Variants in CDIN1 observed in about 807,000 individuals in gnomAD.
CDIN1 encodes the protein CDAN1 interacting nuclease 1, also known as CDAN1-interacting nuclease 1.
A neutral mutation model predicts 45.3 loss-of-function variants in CDIN1; 33 were observed. The ratio of observed to expected loss-of-function variants is 0.73; its 90% CI spans 0.55 to 0.97. CDIN1 has a LOEUF of 0.97. Ranked by LOEUF, CDIN1 falls within the 50% of genes least tolerant of loss-of-function variation. The probability of loss-of-function intolerance (pLI) is 0.00; values close to 1 mark genes in which losing one functional copy is unlikely to be tolerated. For missense variants in CDIN1, 303 were observed against 339.4 expected, an observed-to-expected ratio of 0.89 and a Z score of 0.84; for synonymous variants, 118 against 124.4, an observed-to-expected ratio of 0.95 and a Z score of 0.34.
At chr15:36,630,933 A>G (rs966998692) in intron 1 of CDIN1, among the ~76,000 whole-genome samples, 6 of 152,178 alleles carry the variant, frequency 3.9e-5, no homozygotes, top group Non-Finnish European at 5.9e-5. Flanking sequence ...CCAGCCACTT[A>G]TGAGGGATCT....
chr15:36,626,060 T>C (rs1174189358), intron 1 of CDIN1, among the ~76,000 whole-genome samples: 1 of 151,824 alleles, frequency 6.6e-6, no homozygotes, highest in Non-Finnish European at 1.5e-5. Context: ...TCTGTTATTG[T>C]CATCAGGATA....
chr15:36,731,816 T>G (rs991181120), intron 10 of CDIN1, among the ~76,000 whole-genome samples: 2 of 152,164 alleles, frequency 1.3e-5, no homozygotes, highest in Non-Finnish European at 2.9e-5. Context: ...CATGCCAAAT[T>G]GTATTTCTTT....
At chr15:36,706,150 C>T (rs1465146421) in intron 8 of CDIN1, 1 of 152,040 alleles carries the variant, frequency 6.6e-6, no homozygotes, top group Non-Finnish European at 1.5e-5. Flanking sequence ...ATGTGTGATT[C>T]TCAAGGAAAA....
intron 1 of CDIN1, among the ~76,000 whole-genome samples, chr15:36,587,030 T>A (rs1175250674): frequency 1.3e-5 from 2 of 152,194 alleles, no homozygotes; most frequent in Non-Finnish European, 2.9e-5. Flanking sequence ...AATTTTTCCT[T>A]GAGTTCCCTT....
intron 1 of CDIN1, among the ~76,000 whole-genome samples, chr15:36,633,173 G>T (rs1449955102): frequency 1.3e-5 from 2 of 152,076 alleles, no homozygotes; most frequent in Admixed American, 6.5e-5. Context: ...AATGATAAAT[G>T]AACCCTTTGA....
intron 10 of CDIN1, among the ~76,000 whole-genome samples, chr15:36,743,137 G>GT (rs1391918063): frequency 3.3e-5 from 5 of 152,220 alleles, no homozygotes; most frequent in Admixed American, 6.5e-5. Flanking sequence ...TATTGGAGAA[G>GT]TAAGACGAGC....
chr15:36,639,996 A>T (rs1001383437), intron 1 of CDIN1, among the ~76,000 whole-genome samples: 1 of 152,180 alleles, frequency 6.6e-6, no homozygotes, highest in Non-Finnish European at 1.5e-5. Flanking sequence ...GGTGGGAGAT[A>T]GGATGGATAC....
intron 10 of CDIN1, among the ~76,000 whole-genome samples, chr15:36,782,015 C>T (rs569693513): frequency 6.6e-6 from 1 of 152,244 alleles, no homozygotes; most frequent in African/African-American, 2.4e-5. Flanking sequence ...CACAGTTTTT[C>T]CTTCAACAGG....
In CDIN1 at chr15:36,608,712, C is replaced by T. The variant is rs141702905; in HGVS notation, c.101+28751C>T. ...AAGATAAATATAGAGATATCTGTAA[C>T]CTTTCTATGAGGAGAATTTTATCAC... On this transcript the variant is annotated intron_variant, in intron 1 of 10. Transcript: ENST00000566621. Among the ~76,000 whole-genome samples the T allele has an allele frequency of 1.3e-3, 205 of 151,902 alleles. 1 individual carries two copies. In the Middle Eastern group the frequency reaches 0.017, roughly 13 times the overall value.
Position 36,755,398 on chromosome 15 carries a change from C to T in CDIN1, c.716+45437C>T, listed in dbSNP as rs1218326824. 4.6e-5 allele frequency among the ~76,000 whole-genome samples: 7 copies of T among 152,092 alleles called. No individual in the cohort carries two copies. In the South Asian group the frequency reaches 6.2e-4, roughly 14 times the overall value. On this transcript the variant is annotated intron_variant, in intron 10 of 10. Transcript: ENST00000566621. ...AGTACAATTTTCTCGTTTCTGAAGT[C>T]GCTCATTGAATCGCTGTTTTGTTCA...
intron 1 of CDIN1, among the ~76,000 whole-genome samples, chr15:36,628,938 T>TA (rs1164324502): frequency 6.6e-6 from 1 of 152,108 alleles, no homozygotes; most frequent in East Asian, 1.9e-4. Flanking sequence ...CCACACATAC[T>TA]AAAAGGCAAT....
chr15:36,609,516 C>G (rs938787244), intron 1 of CDIN1, among the ~76,000 whole-genome samples: 1 of 152,176 alleles, frequency 6.6e-6, no homozygotes, highest in Non-Finnish European at 1.5e-5. Flanking sequence ...AATCCCAGCA[C>G]TTTAAAGGGG....
chr15:36,780,595 A>C (rs937062769), intron 10 of CDIN1, among the ~76,000 whole-genome samples: 2 of 152,218 alleles, frequency 1.3e-5, no homozygotes, highest in African/African-American at 4.8e-5. Context: ...AAAACCTTGA[A>C]GAGTTAGGTA....
At chr15:36,759,792 C>T (rs868844874) in intron 10 of CDIN1, among the ~76,000 whole-genome samples, 14 of 152,132 alleles carry the variant, frequency 9.2e-5, no homozygotes, top group African/African-American at 3.1e-4. Context: ...GAAGCAAGCA[C>T]ATCTTCACAT....
chr15:36,797,809 G>A (rs371444302), intron 10 of CDIN1, among the ~76,000 whole-genome samples: 30 of 151,862 alleles, frequency 2.0e-4, no homozygotes, highest in East Asian at 7.8e-4. Context: ...GTGAAACCCC[G>A]TCTCTACTAA....
chr15:36,631,204 C>T (rs1017909826), intron 1 of CDIN1, among the ~76,000 whole-genome samples: 1 of 152,016 alleles, frequency 6.6e-6, no homozygotes, highest in Non-Finnish European at 1.5e-5. Context: ...AAATGGAAGT[C>T]ATAGAAGGAA....
intron 10 of CDIN1, among the ~76,000 whole-genome samples, chr15:36,774,153 T>TGCGC (rs2054151710): frequency 1.9e-5 from 2 of 105,030 alleles, no homozygotes; most frequent in Non-Finnish European, 4.2e-5. Context: ...TGTGTGTGTG[T>TGCGC]GTGTGTGTGT....
chr15:36,613,428 G>A, intron 1 of CDIN1: 2 of 1,443,528 alleles, frequency 1.4e-6, no homozygotes, highest in South Asian at 2.3e-5. Flanking sequence ...ACGCTGAGTG[G>A]AGGAGGCAGG....
intron 10 of CDIN1, among the ~76,000 whole-genome samples, chr15:36,756,470 C>A (rs1413174934): frequency 6.6e-6 from 1 of 152,200 alleles, no homozygotes; most frequent in South Asian, 2.1e-4. Flanking sequence ...TCTGCTCTTT[C>A]CCTCTCTCTC....
Sources: gnomAD v4.1 joint callset for allele counts (sites outside exome capture counted in the v4.1 genomes callset) on GRCh38, gnomAD v4.1.1 for gene constraint, MANE v1.5 for transcripts, NCBI Gene and HGNC (gene_info 2026-07-23, HGNC 2026-07-21) for gene names.